Variants in CELF2 observed in about 807,000 individuals in gnomAD.
CELF2 encodes CUGBP Elav-like family member 2, also known as CUG triplet repeat RNA-binding protein 2.
In CELF2, 8 loss-of-function variants were observed where a neutral mutation model predicts 62.6. The observed-to-expected ratio is 0.13, with a 90% CI of 0.07 to 0.23. The LOEUF is 0.23. Ranked by LOEUF, CELF2 falls within the 10% of genes least tolerant of loss-of-function variation. The probability of loss-of-function intolerance (pLI) is 1.00; values close to 1 mark genes in which losing one functional copy is unlikely to be tolerated. For missense variants in CELF2, 333 were observed against 671.0 expected (o/e 0.50, Z 5.56); for synonymous variants, 258 against 250.0 (o/e 1.03, Z -0.30).
intron 1 of CELF2, among the ~76,000 whole-genome samples, chr10:11,152,887 A>T (rs894921511): frequency 6.6e-6 from 1 of 152,220 alleles, no homozygotes; most frequent in Non-Finnish European, 1.5e-5. Context: ...GCACCCCAGC[A>T]TCGAGGGAGG....
rs576852223 is a variant in CELF2 at position 11,280,578 on chromosome 10, G to T, written c.841+5458G>T. Among the ~76,000 whole-genome samples the T allele has an allele frequency of 3.3e-5, 5 of 152,182 alleles. No homozygotes were observed. The highest frequency in any genetic ancestry group is 1.2e-4 in the African/African-American group (5 of 41,444). ...CCAGGGAAGGGCCCAGGAACACTGG[G>T]GCCAAGACAGTCCCCACGCTCTTCT... On this transcript the variant is annotated intron_variant, in intron 8 of 12. Transcript: ENST00000633077. This position sits in a 1 kb window ranked among gnomAD's most constrained non-coding sequence, Gnocchi z 7.6.
intron 2 of CELF2, among the ~76,000 whole-genome samples, chr10:11,194,773 G>T (rs1216589539): frequency 1.3e-5 from 2 of 152,238 alleles, no homozygotes; most frequent in African/African-American, 2.4e-5. Flanking sequence ...GACATTGCTT[G>T]CGAATGCTCA....
the CELF2 span, among the ~76,000 whole-genome samples, chr10:10,787,794 T>G: frequency 2.0e-5 from 3 of 152,178 alleles, no homozygotes; most frequent in African/African-American, 4.8e-5. Context: ...ATATTCCCCT[T>G]TCTTTTTTTA....
intron 2 of CELF2, among the ~76,000 whole-genome samples, chr10:10,999,512 G>A (rs2054303699): frequency 6.6e-6 from 1 of 152,152 alleles, no homozygotes; most frequent in Admixed American, 6.5e-5. Flanking sequence ...GAGGTGGGAG[G>A]AACACTTGAG....
At chr10:10,942,115 A>C (rs2047120833) in intron 2 of CELF2, among the ~76,000 whole-genome samples, 1 of 152,214 alleles carries the variant, frequency 6.6e-6, no homozygotes, top group African/African-American at 2.4e-5. Flanking sequence ...GCCTCAGGAA[A>C]AAAAAAATTG....
At chr10:10,786,292 G>C in the CELF2 span, among the ~76,000 whole-genome samples, 2 of 152,214 alleles carry the variant, frequency 1.3e-5, no homozygotes, top group African/African-American at 2.4e-5. Context: ...TAATGCCCAT[G>C]TTAAGGGTTA....
At chr10:11,163,416 A>G (rs1297947489) in intron 1 of CELF2, among the ~76,000 whole-genome samples, 3 of 152,210 alleles carry the variant, frequency 2.0e-5, no homozygotes, top group Admixed American at 1.3e-4. Context: ...TGAACATGAC[A>G]TGCTGTACTG....
intron 1 of CELF2, among the ~76,000 whole-genome samples, chr10:10,872,272 G>A (rs552814136): frequency 6.6e-6 from 1 of 152,262 alleles, no homozygotes; most frequent in African/African-American, 2.4e-5. Flanking sequence ...ACTGTGTAAC[G>A]CAGAGGCCAG....
rs1412138183 is a variant in CELF2 at position 11,005,956 on chromosome 10, G to A, written c.53+516G>A. On this transcript the variant is annotated intron_variant, in intron 1 of 12. Coordinates refer to the CELF2 transcript ENST00000416382. The surrounding 1 kb of genome is among the most constrained non-coding windows in gnomAD (Gnocchi z 4.3). Reference sequence around the variant, plus strand: ...ATCCTGTTTGCCAAAATGTGTACCCGTTTGGAGACCTCTTTCATGCATGGC... The same window carrying A: ...ATCCTGTTTGCCAAAATGTGTACCCATTTGGAGACCTCTTTCATGCATGGC... Among the ~76,000 whole-genome samples, 2 of 152,118 alleles carry A rather than the reference G, an allele frequency of 1.3e-5. No individual in the cohort carries two copies. The highest frequency in any genetic ancestry group is 2.4e-5 in the African/African-American group (1 of 41,422).
Position 11,316,798 on chromosome 10 carries a change from T to G in CELF2, c.1096+2540T>G, listed in dbSNP as rs1184129538. 6.6e-6 allele frequency: 1 copy of G among 152,174 alleles called. No homozygotes were observed. Among genetic ancestry groups the G allele is most frequent in the Non-Finnish European group, 1.5e-5 (1 of 68,032 alleles). 9.4% of individuals were successfully genotyped at this position (152,174 alleles called of 1,614,324 possible). On this transcript the variant is annotated intron_variant, in intron 10 of 12. Coordinates refer to ENST00000633077, the MANE Select transcript of CELF2 (RefSeq NM_001326342.2). This position sits in a 1 kb window ranked among gnomAD's most constrained non-coding sequence, Gnocchi z 4.4. ...CCAGCACCTCTCCCAAAAAACGAAG[T>G]TTTTGGTCAGTAGACAAGTAGCTCA...
intron 2 of CELF2, among the ~76,000 whole-genome samples, chr10:10,971,851 T>C (rs1336538685): frequency 6.6e-6 from 1 of 152,242 alleles, no homozygotes; most frequent in Admixed American, 6.5e-5. Context: ...TCTCCCAAAG[T>C]GCTGGGATTA....
the CELF2 span, among the ~76,000 whole-genome samples, chr10:10,465,937 C>T: frequency 6.6e-6 from 1 of 152,036 alleles, no homozygotes; most frequent in Non-Finnish European, 1.5e-5. Context: ...CATGTTAATG[C>T]CCCCAAGACT....
Position 11,217,595 on chromosome 10 carries a change from C to A in CELF2, c.354+88C>A. 2 of 966,514 alleles carry A rather than the reference C, an allele frequency of 2.1e-6. No homozygotes were observed. Among genetic ancestry groups the A allele is most frequent in the Admixed American group, 2.2e-5 (1 of 44,562 alleles). The allele number at this position is 966,514 out of a possible 1,614,324, so 59.9% of individuals were successfully genotyped here. A position where few individuals can be genotyped will look rare whatever the true frequency, so the allele number is the denominator to read the frequency against. ...AGGTTCTAGTTATGGGCTCTTAGTGCCAAAAATGACTTTGGTCTTTTGAGG... is the reference window on the plus strand; with the variant it reads ...AGGTTCTAGTTATGGGCTCTTAGTGACAAAAATGACTTTGGTCTTTTGAGG... On this transcript the variant is annotated intron_variant, in intron 3 of 12. Transcript: ENST00000633077. The surrounding 1 kb of genome is among the most constrained non-coding windows in gnomAD (Gnocchi z 5.6).
At chr10:10,817,515 A>G (rs548453518) in intron 1 of CELF2, among the ~76,000 whole-genome samples, 1 of 151,956 alleles carries the variant, frequency 6.6e-6, no homozygotes, top group Non-Finnish European at 1.5e-5. Flanking sequence ...TCTACTCTCT[A>G]TGTCCATGAG....
intron 7 of CELF2, among the ~76,000 whole-genome samples, chr10:11,274,831 T>C (rs2085374039): frequency 9.6e-6 from 1 of 104,398 alleles, no homozygotes; most frequent in African/African-American, 2.9e-5. Flanking sequence ...ATTGATTAAT[T>C]GTTTTAAGGC....
chr10:11,175,546 C>A (rs2070753510), intron 2 of CELF2, among the ~76,000 whole-genome samples: 2 of 152,148 alleles, frequency 1.3e-5, no homozygotes, highest in South Asian at 2.1e-4. Context: ...CAAACTTTTA[C>A]AGAGACGAGG....
chr10:11,243,648 A>G lies in CELF2; in HGVS notation c.355-5505A>G, dbSNP rs2074702251. Among the ~76,000 whole-genome samples the G allele has an allele frequency of 6.6e-6, 1 of 152,188 alleles. No homozygotes were observed. Among genetic ancestry groups the G allele is most frequent in the Admixed American group, 6.5e-5 (1 of 15,280 alleles). The stretch of plus-strand genomic sequence containing the variant: ...TAGACTCATTAATTGTTTCATCGTG[A>G]CTCAGGAAAACCACTCTGTAAAGTC... On this transcript the variant is annotated intron_variant, in intron 3 of 12. Coordinates refer to ENST00000633077, the MANE Select transcript of CELF2 (RefSeq NM_001326342.2). This position sits in a 1 kb window ranked among gnomAD's most constrained non-coding sequence, Gnocchi z 4.1.
intron 8 of CELF2, among the ~76,000 whole-genome samples, chr10:11,286,185 G>T (rs182444702): frequency 2.0e-4 from 31 of 152,326 alleles, no homozygotes; most frequent in Admixed American, 1.6e-3. Flanking sequence ...ACCCAAGTGG[G>T]CCAGCTGAGC....
intron 1 of CELF2, among the ~76,000 whole-genome samples, chr10:10,836,151 A>G (rs1046125244): frequency 6.6e-6 from 1 of 152,200 alleles, no homozygotes; most frequent in Non-Finnish European, 1.5e-5. Context: ...AAAAAATCAA[A>G]CTGATGGAAA....
Sources: gnomAD v4.1 joint callset for allele counts (sites outside exome capture counted in the v4.1 genomes callset) on GRCh38, gnomAD v4.1.1 for gene constraint, Gnocchi (gnomAD v3.1) non-coding constraint, MANE v1.5 for transcripts, NCBI Gene and HGNC (gene_info 2026-07-23, HGNC 2026-07-21) for gene names.